Variants in PMM2 observed in about 807,000 individuals in gnomAD.
PMM2 encodes the protein phosphomannomutase 2.
A neutral mutation model predicts 33.2 loss-of-function variants in PMM2; 35 were observed. That is an observed-to-expected ratio of 1.06 (90% CI 0.81 to 1.40). The LOEUF is 1.40. PMM2 is among the 40% of genes most tolerant of loss of function. The pLI, the probability that PMM2 is intolerant of heterozygous loss-of-function variation, is 0.00. For missense variants in PMM2, 386 were observed against 306.0 expected, an observed-to-expected ratio of 1.26 and a Z score of -1.95; for synonymous variants, 153 against 114.7, an observed-to-expected ratio of 1.33 and a Z score of -2.13.
chr16:8,817,804 T>A (rs544017242), intron 7 of PMM2, among the ~76,000 whole-genome samples: 1 of 152,352 alleles, frequency 6.6e-6, no homozygotes, highest in South Asian at 2.1e-4. Context: ...TCTATGTATA[T>A]GATCCCAAAA....
intron 1 of PMM2, among the ~76,000 whole-genome samples, chr16:8,800,332 G>T (rs1488902142): frequency 6.8e-6 from 1 of 146,150 alleles, no homozygotes; most frequent in African/African-American, 2.5e-5. Flanking sequence ...TTGCACTCCA[G>T]CCTGGGTGAC....
intron 7 of PMM2, among the ~76,000 whole-genome samples, chr16:8,846,728 C>G (rs1044454348): frequency 6.6e-6 from 1 of 152,182 alleles, no homozygotes; most frequent in African/African-American, 2.4e-5. Context: ...AGCAAGCTTC[C>G]ATCATGACCC....
At chr16:8,841,531 T>G (rs1486959277) in intron 7 of PMM2, among the ~76,000 whole-genome samples, 4 of 139,618 alleles carry the variant, frequency 2.9e-5, no homozygotes, top group Admixed American at 7.3e-5. Flanking sequence ...GAATAGCAGA[T>G]GGAACACTGA....
chr16:8,831,629 C>T (rs185526758), intron 7 of PMM2, among the ~76,000 whole-genome samples: 1 of 152,364 alleles, frequency 6.6e-6, no homozygotes, highest in African/African-American at 2.4e-5. Flanking sequence ...ACCAGCGAAG[C>T]AGTTCACGCA....
intron 7 of PMM2, among the ~76,000 whole-genome samples, chr16:8,819,140 A>G (rs986732414): frequency 1.3e-5 from 2 of 152,244 alleles, no homozygotes; most frequent in Non-Finnish European, 2.9e-5. Context: ...GCACTCAAGC[A>G]TGTGTGAAAG....
At chr16:8,840,387 A>C (rs895144399) in intron 7 of PMM2, among the ~76,000 whole-genome samples, 17 of 152,120 alleles carry the variant, frequency 1.1e-4, no homozygotes, top group Non-Finnish European at 1.5e-5. Flanking sequence ...TTGAAGAAAC[A>C]GTGTAAACCG....
Position 8,848,175 on chromosome 16 carries a change from C to T in PMM2, c.*350C>T, listed in dbSNP as rs958545561. The T allele has an allele frequency of 1.5e-4, 42 of 289,314 alleles. No homozygotes were observed. In the Middle Eastern group the frequency reaches 3.7e-3, roughly 25 times the overall value. 17.9% of individuals were successfully genotyped at this position (289,314 alleles called of 1,614,324 possible). A position where few individuals can be genotyped will look rare whatever the true frequency, so the allele number is the denominator to read the frequency against. On this transcript the variant is annotated 3_prime_UTR_variant, in exon 8 of 8. Transcript: ENST00000268261. ...TACAGAAAGAAAAACTGTGCCTGGA[C>T]CCTCCCTCTTGGTGGGTCTGTGGAA...
chr16:8,833,603 G>C lies in PMM2; in HGVS notation c.640-14121G>C, dbSNP rs375160519. Among the ~76,000 whole-genome samples, 4 of 151,700 alleles carry C rather than the reference G, an allele frequency of 2.6e-5. No individual in the cohort carries two copies. The South Asian group carries it at 8.5e-4, about 32-fold the overall frequency. ...TGCTTCAAGCGGGATTAGGGGCGGC[G>C]TGGGAACCTAGAGTGGGAGAGATTA... On this transcript the variant is annotated intron_variant, in intron 7 of 7. Transcript: ENST00000268261.
In PMM2 at chr16:8,828,319, A is replaced by C. The variant is rs150686867; in HGVS notation, c.639+15213A>C. 1.3e-3 allele frequency among the ~76,000 whole-genome samples: 203 copies of C among 152,268 alleles called. 2 individuals are homozygous for C. Among genetic ancestry groups the C allele is most frequent in the Middle Eastern group, 0.01 (3 of 294 alleles). On this transcript the variant is annotated intron_variant, in intron 7 of 7. Transcript: ENST00000268261. ...AAGGCAAGCTGTCCATGGTGGGGAA[A>C]GAATCAATAAATGGCACACAAAAAA...
chr16:8,798,309 A>G (rs773590703), intron 1 of PMM2, among the ~76,000 whole-genome samples: 4 of 152,160 alleles, frequency 2.6e-5, no homozygotes, highest in Non-Finnish European at 5.9e-5. Flanking sequence ...CCTGTAACCA[A>G]TGGGCTGTGC....
intron 7 of PMM2, among the ~76,000 whole-genome samples, chr16:8,836,249 T>TG (rs1160052647): frequency 2.0e-5 from 3 of 151,942 alleles, no homozygotes; most frequent in Non-Finnish European, 2.9e-5. Flanking sequence ...TGATGGTTTA[T>TG]GGGGCTTCCG....
At chr16:8,798,033 G>T (rs2060589630) in intron 1 of PMM2, 85 bp downstream of exon 1, 4 of 1,351,228 alleles carry the variant, frequency 3.0e-6, no homozygotes, top group Middle Eastern at 2.2e-4. Context: ...CAGGGTAGGC[G>T]CCAAGGGGTG....
At chr16:8,812,770 G>T (rs2060684649) in intron 6 of PMM2, among the ~76,000 whole-genome samples, 1 of 152,178 alleles carries the variant, frequency 6.6e-6, no homozygotes, top group Non-Finnish European at 1.5e-5. Flanking sequence ...TTGGCATTCT[G>T]TGCCTCAATT....
chr16:8,805,582 A>G (rs1286663511), intron 3 of PMM2, among the ~76,000 whole-genome samples: 1 of 148,866 alleles, frequency 6.7e-6, no homozygotes, highest in Admixed American at 6.7e-5. Context: ...GCTTCACTAT[A>G]AGCATTTTTT....
At chr16:8,806,617 G>A in intron 4 of PMM2, 1 of 600,076 alleles carries the variant, frequency 1.7e-6, no homozygotes, top group South Asian at 1.9e-5. Flanking sequence ...CTGCCCTGGT[G>A]CTGCTGGTTC....
At chr16:8,823,015 T>C (rs563940942) in intron 7 of PMM2, among the ~76,000 whole-genome samples, 1 of 151,488 alleles carries the variant, frequency 6.6e-6, no homozygotes, top group Admixed American at 6.6e-5. Context: ...GGGTCAGAGG[T>C]TGTTAGACAG....
At chr16:8,832,793 G>A in intron 7 of PMM2, 5 of 985,384 alleles carry the variant, frequency 5.1e-6, no homozygotes, top group Non-Finnish European at 6.0e-6. Context: ...GCCCGCTGTG[G>A]CCCGGCCCCA....
In PMM2 at chr16:8,839,302, G is replaced by C. The variant is rs866362241; in HGVS notation, c.640-8422G>C. On this transcript the variant is annotated intron_variant, in intron 7 of 7. Coordinates refer to ENST00000268261, the MANE Select transcript of PMM2 (RefSeq NM_000303.3). ...AGGTAAAGGATCCACAGAGGAAGAAGAGACCTTGTGCGAGGCAAAACTGGA... is the reference window on the plus strand; with the variant it reads ...AGGTAAAGGATCCACAGAGGAAGAACAGACCTTGTGCGAGGCAAAACTGGA... Among the ~76,000 whole-genome samples, 6 of 152,108 alleles carry C rather than the reference G, an allele frequency of 3.9e-5. No individual in the cohort carries two copies. In the South Asian group the frequency reaches 8.3e-4, roughly 21 times the overall value.
intron 7 of PMM2, among the ~76,000 whole-genome samples, chr16:8,834,611 C>A (rs1461078284): frequency 4.0e-3 from 608 of 152,088 alleles, no homozygotes; most frequent in African/African-American, 0.013. Flanking sequence ...TGAATAATCC[C>A]TGAGGAGTAG....
Sources: gnomAD v4.1 joint callset for allele counts (sites outside exome capture counted in the v4.1 genomes callset) on GRCh38, gnomAD v4.1.1 for gene constraint, MANE v1.5 for transcripts, NCBI Gene and HGNC (gene_info 2026-07-23, HGNC 2026-07-21) for gene names.